The following COL15A1 variants were observed in gnomAD, a reference collection of about 807,000 sequenced individuals.
COL15A1 encodes the protein collagen type XV alpha 1 chain.
In COL15A1, 111 loss-of-function variants were observed where a neutral mutation model predicts 165.9. The ratio of observed to expected loss-of-function variants is 0.67; its 90% confidence interval spans 0.57 to 0.78. COL15A1 has a LOEUF of 0.78. Among genes scored for constraint, COL15A1 ranks in the 30% least tolerant of loss-of-function variants. COL15A1 has a pLI of 0.00. For missense variants in COL15A1, 1,745 were observed against 1,789.7 expected (o/e 0.98, Z 0.45); for synonymous variants, 659 against 674.8 (o/e 0.98, Z 0.36).
At chr9:99,053,636 G>A in intron 31 of COL15A1, among the ~76,000 whole-genome samples, 1 of 152,200 alleles carries the variant, frequency 6.6e-6, no homozygotes, top group East Asian at 1.9e-4. Context: ...GGGTGAAGGA[G>A]GCCCCATGGG....
At chr9:98,980,375 G>A (rs1474407597) in intron 2 of COL15A1, among the ~76,000 whole-genome samples, 1 of 152,234 alleles carries the variant, frequency 6.6e-6, no homozygotes, top group African/African-American at 2.4e-5. Flanking sequence ...GTGTGGGTGC[G>A]GGAGGTGAAG....
At chr9:99,067,182 C>G in intron 40 of COL15A1, 115 bp downstream of exon 40, 1 of 880,116 alleles carries the variant, frequency 1.1e-6, no homozygotes, top group African/African-American at 1.7e-5. Flanking sequence ...CTGCTCTCTC[C>G]CTTACTGGCT....
chr9:99,001,649 G>A (rs1436943318), intron 7 of COL15A1, among the ~76,000 whole-genome samples: 1 of 152,218 alleles, frequency 6.6e-6, no homozygotes, highest in Non-Finnish European at 1.5e-5. Flanking sequence ...GGAAAGGGAA[G>A]CATGGTTAGG....
chr9:99,058,528 A>T (rs34382379), intron 35 of COL15A1, among the ~76,000 whole-genome samples: 20,792 of 152,044 alleles, frequency 0.14, 1,466 homozygotes, highest in South Asian at 0.2. Context: ...GTGGAGAAAA[A>T]CTGTTGTCCA....
intron 9 of COL15A1, among the ~76,000 whole-genome samples, chr9:99,013,531 A>T (rs1838878527): frequency 1.3e-5 from 2 of 150,426 alleles, no homozygotes; most frequent in Admixed American, 1.3e-4. Context: ...TTAGGGTCCT[A>T]AACAATAACT....
At chr9:99,041,953 G>A (rs527975520) in intron 23 of COL15A1, 92 bp from the exon 24 acceptor site, 13 of 802,470 alleles carry the variant, frequency 1.6e-5, no homozygotes, top group African/African-American at 1.5e-4. Context: ...ATGGCAGTGT[G>A]TATTCTACTG....
intron 6 of COL15A1, among the ~76,000 whole-genome samples, chr9:98,998,596 T>A (rs1479753242): frequency 6.6e-6 from 1 of 152,156 alleles, no homozygotes; most frequent in Non-Finnish European, 1.5e-5. Context: ...TCCCCGATGC[T>A]GGGTGGATGA....
rs1255347057 is a variant in COL15A1, at chr9:98,988,064, T to C, written c.723+696T>C. Among the ~76,000 whole-genome samples the C allele has an allele frequency of 4.0e-5, 6 of 150,830 alleles. No homozygotes were observed. The East Asian group carries it at 1.2e-3, about 29-fold the overall frequency. The stretch of plus-strand genomic sequence containing the variant: ...CCTGACCAATGACAAGGGTGAGGCC[T>C]CCCAGGGAGAAGGGGTCCAGGATGC... On this transcript the variant is annotated intron_variant, in intron 4 of 41. Coordinates refer to ENST00000375001, the MANE Select transcript of COL15A1 (RefSeq NM_001855.5).
chr9:99,045,142 A>T (rs1475017458), intron 26 of COL15A1, among the ~76,000 whole-genome samples: 1 of 152,128 alleles, frequency 6.6e-6, no homozygotes, highest in Non-Finnish European at 1.5e-5. Flanking sequence ...AAAGATAATA[A>T]ACATCACTTC....
At position 99,036,093 on chromosome 9, in the gene COL15A1, G is replaced by A. The variant is rs940232456; in HGVS notation, c.2290-77G>A. On this transcript the variant is annotated intron_variant, in intron 19 of 41. Transcript: ENST00000375001. ...ACAAAATAAGCATAAAAGCTTAGGG[G>A]GAGATGGTGAGACAAGAGGCTAGAT... The A allele has an allele frequency of 2.5e-6, 3 of 1,194,334 alleles. No homozygotes were observed. The Admixed American group carries it at 5.2e-5, about 21-fold the overall frequency. 74.0% of individuals were successfully genotyped at this position (1,194,334 alleles called of 1,614,324 possible).
intron 2 of COL15A1, among the ~76,000 whole-genome samples, chr9:98,946,411 G>GCC (rs921879245): frequency 5.2e-4 from 79 of 152,266 alleles, no homozygotes; most frequent in African/African-American, 1.8e-3. Context: ...TCTCCAATGA[G>GCC]CCCCACAATC....
chr9:99,023,149 T>C (rs1046151441), intron 13 of COL15A1, among the ~76,000 whole-genome samples: 4 of 151,948 alleles, frequency 2.6e-5, no homozygotes, highest in Admixed American at 6.6e-5. Context: ...GCCGAGGACA[T>C]GAGTGGGCTG....
At chr9:99,064,520 A>G (rs1166532573) in intron 39 of COL15A1, among the ~76,000 whole-genome samples, 1 of 152,192 alleles carries the variant, frequency 6.6e-6, no homozygotes, top group Non-Finnish European at 1.5e-5. Context: ...GAGCCATGCA[A>G]TTACTACGGG....
At chr9:98,958,643 T>A (rs923589680) in intron 2 of COL15A1, among the ~76,000 whole-genome samples, 2 of 152,204 alleles carry the variant, frequency 1.3e-5, no homozygotes, top group Non-Finnish European at 2.9e-5. Flanking sequence ...TTTTAGTATA[T>A]GAGCTTTCAT....
chr9:99,019,016 A>G (rs1838982777), intron 11 of COL15A1, among the ~76,000 whole-genome samples: 1 of 152,142 alleles, frequency 6.6e-6, no homozygotes, highest in Non-Finnish European at 1.5e-5. Context: ...TTAGAGATAG[A>G]ATGAGAGAGA....
intron 2 of COL15A1, among the ~76,000 whole-genome samples, chr9:98,970,044 A>T (rs1308326948): frequency 5.3e-5 from 2 of 37,796 alleles, no homozygotes; most frequent in Non-Finnish European, 9.7e-5. Context: ...TTAGTAGTTT[A>T]AAAAAAAAAA....
chr9:99,068,138 C>A (rs1206929726), intron 40 of COL15A1, among the ~76,000 whole-genome samples: 1 of 152,072 alleles, frequency 6.6e-6, no homozygotes, highest in African/African-American at 2.4e-5. Context: ...GGGCTGGAGA[C>A]TCTAATGTGA....
chr9:98,967,526 A>G (rs1489809593), intron 2 of COL15A1, among the ~76,000 whole-genome samples: 2 of 152,214 alleles, frequency 1.3e-5, no homozygotes, highest in African/African-American at 4.8e-5. Flanking sequence ...CCCAGGCCCT[A>G]GGACATTCCT....
chr9:98,987,154 G>C (rs373634636), intron 3 of COL15A1, 140 bp from the exon 4 acceptor site: 2 of 785,370 alleles, frequency 2.5e-6, no homozygotes, highest in African/African-American at 3.5e-5. Flanking sequence ...GCCTGGCTTC[G>C]TGGTTGAGAC....
Sources: gnomAD v4.1 joint callset for allele counts (sites outside exome capture counted in the v4.1 genomes callset) on GRCh38, gnomAD v4.1.1 for gene constraint, MANE v1.5 for transcripts, NCBI Gene and HGNC (gene_info 2026-07-23, HGNC 2026-07-21) for gene names.